Variants in PTPRD observed in about 807,000 individuals in gnomAD.
The protein encoded by PTPRD is receptor-type tyrosine-protein phosphatase delta.
In PTPRD, 34 loss-of-function variants were observed where a neutral mutation model predicts 214.5. The ratio of observed to expected loss-of-function variants is 0.16; its 90% CI spans 0.12 to 0.21. PTPRD has a LOEUF of 0.21. Ranked by LOEUF, PTPRD falls within the 10% of genes least tolerant of loss-of-function variation. The probability of loss-of-function intolerance (pLI) is 1.00; values close to 1 mark genes in which losing one functional copy is unlikely to be tolerated. For missense variants in PTPRD, 2,545 were observed against 2,398.7 expected, an observed-to-expected ratio of 1.06 and a Z score of -1.27; for synonymous variants, 1,128 against 845.7, an observed-to-expected ratio of 1.33 and a Z score of -5.79.
chr9:9,706,510 G>C (rs1163818607), intron 7 of PTPRD, among the ~76,000 whole-genome samples: 2 of 151,750 alleles, frequency 1.3e-5, no homozygotes, highest in Admixed American at 6.6e-5. Context: ...CACAATCTTG[G>C]CTCACTGCAA....
intron 9 of PTPRD, among the ~76,000 whole-genome samples, chr9:9,237,767 A>G (rs1398526849): frequency 6.6e-6 from 1 of 152,096 alleles, no homozygotes; most frequent in Non-Finnish European, 1.5e-5. Flanking sequence ...TTAGTCAACT[A>G]AAACCCATTT....
chr9:10,022,595 TG>T (rs1345746842), intron 4 of PTPRD, among the ~76,000 whole-genome samples: 2 of 152,172 alleles, frequency 1.3e-5, no homozygotes, highest in Admixed American at 1.3e-4. Flanking sequence ...GCACTTGTAG[TG>T]CACAGAATAA....
chr9:8,888,142 T>A (rs530427469), intron 11 of PTPRD, among the ~76,000 whole-genome samples: 2 of 152,258 alleles, frequency 1.3e-5, no homozygotes, highest in South Asian at 4.1e-4. Context: ...CATCACTCCA[T>A]GACATACACA....
intron 11 of PTPRD, among the ~76,000 whole-genome samples, chr9:8,839,300 TTTTA>T (rs3046017): frequency 0.65 from 96,974 of 150,228 alleles, 31,614 homozygotes; most frequent in African/African-American, 0.75. Flanking sequence ...ACCAAGGGGA[TTTTA>T]TTTATTTATT....
At chr9:9,931,674 G>T (rs112155650) in intron 5 of PTPRD, among the ~76,000 whole-genome samples, 51,103 of 148,544 alleles carry the variant, frequency 0.34, 9,502 homozygotes, top group East Asian at 0.72. Context: ...TTGCCCAGGC[G>T]TGCTTAGGTA....
intron 11 of PTPRD, among the ~76,000 whole-genome samples, chr9:8,818,911 C>T (rs933335716): frequency 1.3e-5 from 2 of 152,122 alleles, no homozygotes; most frequent in Non-Finnish European, 2.9e-5. Flanking sequence ...AAGAGTTCCC[C>T]GGTAACATTT....
At chr9:9,105,780 G>C (rs565390314) in intron 10 of PTPRD, among the ~76,000 whole-genome samples, 42 of 152,168 alleles carry the variant, frequency 2.8e-4, no homozygotes, top group Admixed American at 4.6e-4. Flanking sequence ...AAGTGAAATT[G>C]ATGTGGCTTT....
chr9:9,227,321 G>A (rs2099960130), intron 9 of PTPRD, among the ~76,000 whole-genome samples: 1 of 152,038 alleles, frequency 6.6e-6, no homozygotes, highest in Non-Finnish European at 1.5e-5. Context: ...CACGGTATGG[G>A]AGAAGACCGA....
rs184690891 is a variant in PTPRD, at chr9:9,788,346, T to C, written c.-367-21495A>G. ...GTGGGTGGATCACGAAGTCAGGAGA[T>C]CGAGACCATCCTGACTAACACGGTG... On this transcript the variant is annotated intron_variant, in intron 5 of 45. Coordinates refer to ENST00000381196, the MANE Select transcript of PTPRD (RefSeq NM_002839.4). Among the ~76,000 whole-genome samples the C allele has an allele frequency of 5.2e-3, 777 of 150,628 alleles. 11 individuals are homozygous for C. The highest frequency in any genetic ancestry group is 0.018 in the African/African-American group (728 of 41,146).
chr9:10,555,620 G>T (rs925665755), intron 2 of PTPRD, among the ~76,000 whole-genome samples: 1 of 151,958 alleles, frequency 6.6e-6, no homozygotes, highest in South Asian at 2.1e-4. Context: ...TCTAATTACC[G>T]GCCTTGAAAA....
At chr9:9,674,177 A>G (rs566685435) in intron 7 of PTPRD, among the ~76,000 whole-genome samples, 2 of 151,998 alleles carry the variant, frequency 1.3e-5, no homozygotes, top group South Asian at 4.1e-4. Flanking sequence ...AAACTAAAAT[A>G]TAAACAAAAG....
intron 9 of PTPRD, among the ~76,000 whole-genome samples, chr9:9,324,997 GT>G (rs1406521426): frequency 6.6e-6 from 1 of 152,136 alleles, no homozygotes; most frequent in African/African-American, 2.4e-5. Context: ...AGATCAGATG[GT>G]TGTAGATGTG....
chr9:10,106,204 G>GA (rs1230899241), intron 3 of PTPRD, among the ~76,000 whole-genome samples: 4 of 151,610 alleles, frequency 2.6e-5, no homozygotes, highest in South Asian at 2.1e-4. Context: ...ACTCCATGCA[G>GA]AAAATAAGGT....
At chr9:10,342,746 A>G (rs972155161) in intron 2 of PTPRD, among the ~76,000 whole-genome samples, 1 of 152,126 alleles carries the variant, frequency 6.6e-6, no homozygotes, top group African/African-American at 2.4e-5. Flanking sequence ...TTCAGAGACT[A>G]AAGCAAAGTA....
At chr9:9,258,887 C>T (rs776328886) in intron 9 of PTPRD, among the ~76,000 whole-genome samples, 11 of 151,838 alleles carry the variant, frequency 7.2e-5, no homozygotes, top group South Asian at 2.1e-4. Context: ...GGGATTTAAA[C>T]GGATATCTAA....
At chr9:8,519,808 A>G (rs1264431861) in intron 20 of PTPRD, among the ~76,000 whole-genome samples, 1 of 152,186 alleles carries the variant, frequency 6.6e-6, no homozygotes, top group Non-Finnish European at 1.5e-5. Flanking sequence ...AAGACAGGGA[A>G]GTGGCAAGAG....
At chr9:9,217,211 A>G (rs2099952879) in intron 9 of PTPRD, among the ~76,000 whole-genome samples, 1 of 152,138 alleles carries the variant, frequency 6.6e-6, no homozygotes, top group African/African-American at 2.4e-5. Context: ...GATCCTGGAT[A>G]GGCAAGATGT....
At chr9:9,775,972 A>AAAAAAAAAAAAAAAC in intron 5 of PTPRD, among the ~76,000 whole-genome samples, 1 of 150,958 alleles carries the variant, frequency 6.6e-6, no homozygotes, top group Admixed American at 6.6e-5. Context: ...AAAAAAAAAA[A>AAAAAAAAAAAAAAAC]AAAAAAAGCA....
At chr9:8,662,132 T>C (rs897340007) in intron 12 of PTPRD, among the ~76,000 whole-genome samples, 7 of 152,094 alleles carry the variant, frequency 4.6e-5, no homozygotes, top group Admixed American at 3.3e-4. Context: ...AGAAGAACAA[T>C]AACTTATGAG....
Sources: gnomAD v4.1 joint callset for allele counts (sites outside exome capture counted in the v4.1 genomes callset) on GRCh38, gnomAD v4.1.1 for gene constraint, MANE v1.5 for transcripts, NCBI Gene and HGNC (gene_info 2026-07-23, HGNC 2026-07-21) for gene names.